Variants in ZNF454 observed in about 807,000 individuals in gnomAD.
The protein encoded by ZNF454 is zinc finger protein 454.
ZNF454 carries 30 observed loss-of-function variants against 48.2 expected under a neutral mutation model. The observed-to-expected ratio is 0.62, with a 90% confidence interval of 0.47 to 0.84. The LOEUF (loss-of-function observed/expected upper bound fraction) is 0.84. ZNF454 is among the 40% of genes least tolerant of loss of function. The pLI, the probability that ZNF454 is intolerant of heterozygous loss-of-function variation, is 0.00. For missense variants in ZNF454, 510 were observed against 623.1 expected (o/e 0.82, Z 1.93); for synonymous variants, 204 against 211.4 (o/e 0.97, Z 0.30).
At chr5:178,978,162 C>T in the ZNF454 span, among the ~76,000 whole-genome samples, 54 of 152,256 alleles carry the variant, frequency 3.5e-4, no homozygotes, top group African/African-American at 1.2e-3. Flanking sequence ...GAATTTTTCA[C>T]GTTTAGAAAC....
Position 178,941,627 on chromosome 5 carries a change from C to T in ZNF454, c.-108+183C>T, listed in dbSNP as rs534931827. On this transcript the variant is annotated intron_variant, in intron 1 of 4. Coordinates refer to ENST00000519564, the MANE Select transcript of ZNF454 (RefSeq NM_001178089.3). The surrounding 1 kb of genome is among the most constrained non-coding windows in gnomAD (Gnocchi z 5.5). ...GATAGATACACGCCTGGCGTGGTTC[C>T]GAGTCCTGCGCCAGGAACTCGCCAA... Among the ~76,000 whole-genome samples the T allele has an allele frequency of 6.6e-6, 1 of 152,200 alleles. No individual in the cohort carries two copies. Among genetic ancestry groups the T allele is most frequent in the African/African-American group, 2.4e-5 (1 of 41,534 alleles).
At chr5:178,961,919 T>TTGTCTTATATAATCA in intron 4 of ZNF454, among the ~76,000 whole-genome samples, 1 of 151,828 alleles carries the variant, frequency 6.6e-6, no homozygotes, top group African/African-American at 2.4e-5. Context: ...ACATTATAAT[T>TTGTCTTATATAATCA]ATTGTCTCAT....
At chr5:178,945,065 G>A (rs1759256976) in intron 2 of ZNF454, among the ~76,000 whole-genome samples, 1 of 141,114 alleles carries the variant, frequency 7.1e-6, no homozygotes, top group African/African-American at 2.5e-5. Flanking sequence ...GTCACAGGGT[G>A]TGTGTGGGGG....
chr5:178,961,645 G>C lies in ZNF454; in HGVS notation c.251-3010G>C, dbSNP rs566441702. On this transcript the variant is annotated intron_variant, in intron 4 of 4. Coordinates refer to ENST00000519564, the MANE Select transcript of ZNF454 (RefSeq NM_001178089.3). ...AGCCTGGGCAACACGGTGAAACCCT[G>C]TCTCTAGTAAAACACAAAAAAAAAA... Among the ~76,000 whole-genome samples the C allele has an allele frequency of 6.0e-4, 91 of 151,344 alleles. 1 individual carries two copies. The South Asian group carries it at 0.017, about 28-fold the overall frequency.
chr5:178,947,376 G>A (rs1233553639), intron 4 of ZNF454, among the ~76,000 whole-genome samples: 3 of 152,198 alleles, frequency 2.0e-5, no homozygotes, highest in Non-Finnish European at 4.4e-5. Context: ...GGTGTTAAGA[G>A]CCAGTTATCA....
chr5:178,964,368 C>T (rs1440428461), intron 4 of ZNF454, among the ~76,000 whole-genome samples: 1 of 152,154 alleles, frequency 6.6e-6, no homozygotes, highest in Non-Finnish European at 1.5e-5. Flanking sequence ...GATCCACCCG[C>T]CTTGGCCTCC....
chr5:178,946,267 G>A lies in ZNF454; in HGVS notation c.34-92G>A. 6.4e-7 allele frequency: 1 copy of A among 1,551,254 alleles called. No individual in the cohort carries two copies. Among genetic ancestry groups the A allele is most frequent in the Non-Finnish European group, 8.7e-7 (1 of 1,149,208 alleles). The stretch of plus-strand genomic sequence containing the variant: ...CCTGTGTGCCAGCAGTCCTGTAAAT[G>A]CGCACAAGCTCCTAGGGGCTGCCAG... On this transcript the variant is annotated intron_variant, in intron 2 of 4. Transcript: ENST00000519564. This position sits in a 1 kb window ranked among gnomAD's most constrained non-coding sequence, Gnocchi z 4.5.
the ZNF454 span, chr5:178,986,342 T>C: frequency 6.2e-7 from 1 of 1,614,030 alleles, no homozygotes; most frequent in Non-Finnish European, 8.5e-7. Context: ...ATGAGGAAGG[T>C]GATGGCGTAG....
the ZNF454 span, chr5:178,985,481 A>T: frequency 2.9e-6 from 1 of 342,460 alleles, no homozygotes; most frequent in Non-Finnish European, 5.7e-6. Flanking sequence ...AGGTGGGCGG[A>T]TCACGAGGTC....
At chr5:178,979,251 T>C in the ZNF454 span, 1 of 151,902 alleles carries the variant, frequency 6.6e-6, no homozygotes, top group Non-Finnish European at 1.5e-5. Context: ...AAAAATAAAA[T>C]AATAACATAA....
chr5:178,958,573 A>G (rs145500994), intron 4 of ZNF454, among the ~76,000 whole-genome samples: 3 of 152,348 alleles, frequency 2.0e-5, no homozygotes, highest in Middle Eastern at 3.4e-3. Context: ...ACTTTTAGAA[A>G]ACATAGGTAC....
downstream of ZNF454, among the ~76,000 whole-genome samples, chr5:178,968,253 A>T (rs535872743): frequency 1.3e-5 from 2 of 152,250 alleles, no homozygotes; most frequent in Admixed American, 6.5e-5. Context: ...ATTTTTCTGG[A>T]AAGTGAAGTG....
chr5:178,969,056 C>A, downstream of ZNF454: 1 of 364,902 alleles, frequency 2.7e-6, no homozygotes, highest in Non-Finnish European at 5.4e-6. Flanking sequence ...ACGTCACTGG[C>A]CTATTAGATA....
chr5:178,958,637 C>CT (rs1254442760), intron 4 of ZNF454, among the ~76,000 whole-genome samples: 1 of 152,204 alleles, frequency 6.6e-6, no homozygotes, highest in Non-Finnish European at 1.5e-5. Flanking sequence ...TATGCAAACT[C>CT]TAACAGACAG....
In ZNF454 at chr5:178,965,692, C is replaced by T. The variant is rs1433343720; in HGVS notation, c.1288C>T (p.His430Tyr). ...TCGGGACCAATCAGCACTAGCCCAA[C>T]ATCAGAGAATTCATACTGGGGAAAA... ...AFRDQSALAQ[H>Y]QRIHTGEKPY... The change falls in exon 5 of 5, where the codon CAT becomes TAT. Residue 430 changes from histidine to tyrosine, a missense_variant. Physicochemically the swap from His to Tyr is moderately conservative, Grantham distance 83. Around this residue, in one of 3 missense-constraint regions of ZNF454, gnomAD observed 153 missense variants for 195.8 expected, o/e 0.78. Transcript: ENST00000519564. The surrounding 1 kb of genome is among the most constrained non-coding windows in gnomAD (Gnocchi z 5.2). The T allele has an allele frequency of 6.2e-7, 1 of 1,614,178 alleles. No homozygotes were observed. The highest frequency in any genetic ancestry group is 1.7e-5 in the Admixed American group (1 of 60,026).
the ZNF454 span, chr5:178,989,248 C>A: frequency 1.9e-6 from 3 of 1,566,014 alleles, no homozygotes; most frequent in Non-Finnish European, 2.6e-6. Flanking sequence ...ACCCTCACCA[C>A]CCTGGGCAGC....
the ZNF454 span, chr5:178,981,804 C>G: frequency 1.9e-6 from 3 of 1,612,958 alleles, no homozygotes; most frequent in Non-Finnish European, 2.5e-6. This position sits in a 1 kb window ranked among gnomAD's most constrained non-coding sequence, Gnocchi z 5.1. Flanking sequence ...CGAGGGACAC[C>G]GAGGCACTCA....
rs549329899 is a variant in ZNF454 at position 178,946,140 on chromosome 5, G to A, written c.34-219G>A. 2.6e-5 allele frequency among the ~76,000 whole-genome samples: 4 copies of A among 152,168 alleles called. No individual in the cohort carries two copies. Among genetic ancestry groups the A allele is most frequent in the South Asian group, 2.1e-4 (1 of 4,828 alleles). On this transcript the variant is annotated intron_variant, in intron 2 of 4. Transcript: ENST00000519564. The surrounding 1 kb of genome is among the most constrained non-coding windows in gnomAD (Gnocchi z 4.5). ...CCCAGTGCTGAGAAAGCCTATCTTC[G>A]CCACCATATATGTTTCTTCAGCGTG...
chr5:178,977,608 T>C, the ZNF454 span, among the ~76,000 whole-genome samples: 74 of 152,018 alleles, frequency 4.9e-4, no homozygotes, highest in African/African-American at 1.6e-3. Flanking sequence ...TTTTCTTTGT[T>C]GCCCAGGCTG....
Sources: gnomAD v4.1 joint callset for allele counts (sites outside exome capture counted in the v4.1 genomes callset) on GRCh38, gnomAD v4.1.1 for gene constraint, gnomAD v4.1.1 regional missense constraint, Gnocchi (gnomAD v3.1) non-coding constraint, MANE v1.5 for transcripts, NCBI Gene and HGNC (gene_info 2026-07-23, HGNC 2026-07-21) for gene names.